Variants in ADGRL3 observed in about 807,000 individuals in gnomAD.
The protein encoded by ADGRL3 is calcium-independent alpha-latrotoxin receptor 3.
ADGRL3 carries 62 observed loss-of-function variants against 153.5 expected under a neutral mutation model. The observed-to-expected ratio is 0.40, with a 90% CI of 0.33 to 0.50. ADGRL3 has a LOEUF of 0.50. Among genes scored for constraint, ADGRL3 ranks in the 20% least tolerant of loss-of-function variants. The pLI, the probability that ADGRL3 is intolerant of heterozygous loss-of-function variation, is 0.47. For synonymous variants in ADGRL3, 710 were observed against 672.5 expected (o/e 1.06, Z -0.86); for missense variants, 1,641 against 1,859.4 (o/e 0.88, Z 2.16).
rs549502976 is a variant in ADGRL3 at position 61,709,426 on chromosome 4, A to T, written c.584-21196A>T. Among the ~76,000 whole-genome samples, 113 of 152,292 alleles carry T rather than the reference A, an allele frequency of 7.4e-4. 1 individual carries two copies. Among genetic ancestry groups the T allele is most frequent in the Admixed American group, 2.2e-3 (33 of 15,284 alleles). On this transcript the variant is annotated intron_variant, in intron 6 of 26. Coordinates refer to ENST00000683033, the MANE Select transcript of ADGRL3 (RefSeq NM_001387552.1). The stretch of plus-strand genomic sequence containing the variant: ...GTTTTATGTTTACCATTGATCCTTC[A>T]GTCATGTTAATCATTTTGCATATAA...
intron 2 of ADGRL3, among the ~76,000 whole-genome samples, chr4:61,476,723 A>AC (rs1349456643): frequency 1.3e-5 from 2 of 148,364 alleles, no homozygotes; most frequent in African/African-American, 4.9e-5. Context: ...AAAAAAAAAA[A>AC]AAAAAAAAAA....
At chr4:61,867,557 G>T (rs2098410364) in intron 9 of ADGRL3, among the ~76,000 whole-genome samples, 2 of 89,932 alleles carry the variant, frequency 2.2e-5, no homozygotes, top group Non-Finnish European at 2.6e-5. Flanking sequence ...GGAGAGAAAA[G>T]ATTTCTTACC....
rs578200391 is a variant in ADGRL3, at chr4:62,064,517, G to A, written c.3815-3649G>A. Among the ~76,000 whole-genome samples, 5 of 152,158 alleles carry A rather than the reference G, an allele frequency of 3.3e-5. No homozygotes were observed. In the East Asian group the frequency reaches 9.7e-4, roughly 29 times the overall value. ...AAAAGTTTTATAAAAGTCCTAGTCA[G>A]TGATCCACTTACTTAAAATTATATT... On this transcript the variant is annotated intron_variant, in intron 25 of 26. Transcript: ENST00000683033.
intron 23 of ADGRL3, among the ~76,000 whole-genome samples, chr4:62,033,135 A>C (rs1447995840): frequency 6.6e-6 from 1 of 151,790 alleles, no homozygotes; most frequent in Non-Finnish European, 1.5e-5. Flanking sequence ...AGGCTGATGA[A>C]GATTCAAACA....
intron 2 of ADGRL3, among the ~76,000 whole-genome samples, chr4:61,466,637 G>C (rs2097887689): frequency 6.6e-6 from 1 of 152,112 alleles, no homozygotes; most frequent in South Asian, 2.1e-4. Flanking sequence ...TTCCTGTTTT[G>C]TTCCTGCTCT....
At position 62,076,636 on chromosome 4, in the gene ADGRL3, T is replaced by C. The variant is rs1001842002; in HGVS notation, c.*5728T>C. On this transcript the variant is annotated 3_prime_UTR_variant, in exon 27 of 27. Coordinates refer to ENST00000683033, the MANE Select transcript of ADGRL3 (RefSeq NM_001387552.1). ...CGAAAAGTAAAATGGGAGTTTCCTA[T>C]ATTCTGATTTCATTCTGCTAATTCC... 6.6e-6 allele frequency: 1 copy of C among 152,182 alleles called. No homozygotes were observed. The highest frequency in any genetic ancestry group is 2.4e-5 in the African/African-American group (1 of 41,576). The allele number at this position is 152,182 out of a possible 1,614,324, so 9.4% of individuals were successfully genotyped here.
intron 6 of ADGRL3, among the ~76,000 whole-genome samples, chr4:61,702,817 A>T (rs977235786): frequency 6.6e-6 from 1 of 152,132 alleles, no homozygotes; most frequent in Admixed American, 6.6e-5. Context: ...ACTTATATCT[A>T]TATCTATAAC....
At chr4:62,068,436 T>G (rs574576464) in intron 26 of ADGRL3, among the ~76,000 whole-genome samples, 1 of 152,330 alleles carries the variant, frequency 6.6e-6, no homozygotes. Flanking sequence ...AAATTGTTTT[T>G]AAATTAAGCA....
intron 25 of ADGRL3, among the ~76,000 whole-genome samples, chr4:62,065,902 G>A (rs1742735748): frequency 6.6e-6 from 1 of 151,714 alleles, no homozygotes; most frequent in Non-Finnish European, 1.5e-5. Context: ...TTTATTCTTG[G>A]GATCTATGAC....
chr4:61,981,694 A>G (rs2150843538), intron 18 of ADGRL3, among the ~76,000 whole-genome samples: 1 of 152,290 alleles, frequency 6.6e-6, no homozygotes, highest in African/African-American at 2.4e-5. Context: ...ACATGTTACA[A>G]GTTTGTTATC....
intron 8 of ADGRL3, among the ~76,000 whole-genome samples, chr4:61,770,117 C>T (rs2097065401): frequency 1.3e-5 from 2 of 152,144 alleles, no homozygotes; most frequent in Admixed American, 6.6e-5. Context: ...TTCAGTAAAA[C>T]GTATTAGTAA....
rs575198605 is a variant in ADGRL3 at position 61,317,250 on chromosome 4, G to A, written c.-239-65874G>A. The stretch of plus-strand genomic sequence containing the variant: ...ATACATTTCTTAGAACTAAATCTGG[G>A]AGTGTATCTGGCAGACCAATATCTT... On this transcript the variant is annotated intron_variant, in intron 1 of 26. Coordinates refer to ENST00000683033, the MANE Select transcript of ADGRL3 (RefSeq NM_001387552.1). Among the ~76,000 whole-genome samples, 14 of 152,272 alleles carry A rather than the reference G, an allele frequency of 9.2e-5. No homozygotes were observed. The South Asian group carries it at 1.7e-3, about 18-fold the overall frequency.
chr4:61,822,407 T>C (rs192500231), intron 9 of ADGRL3, among the ~76,000 whole-genome samples: 8 of 152,280 alleles, frequency 5.3e-5, no homozygotes, highest in Admixed American at 2.0e-4. Context: ...ATCCTATTAC[T>C]TTTTTATTCA....
chr4:61,775,573 C>T, intron 8 of ADGRL3: 1 of 907,288 alleles, frequency 1.1e-6, no homozygotes. Flanking sequence ...GTCAGTTTTA[C>T]AGAGGCCTAC....
chr4:62,047,644 T>C (rs1221851270), intron 25 of ADGRL3, among the ~76,000 whole-genome samples: 1 of 152,160 alleles, frequency 6.6e-6, no homozygotes, highest in Non-Finnish European at 1.5e-5. Context: ...GTATATTAAT[T>C]CCTTTATATT....
At chr4:61,556,867 A>G (rs1245060815) in intron 4 of ADGRL3, among the ~76,000 whole-genome samples, 2 of 152,186 alleles carry the variant, frequency 1.3e-5, no homozygotes, top group Non-Finnish European at 2.9e-5. Flanking sequence ...GTGTTAACAC[A>G]GGCCCTTCTT....
chr4:61,478,055 C>T (rs1253674338), intron 2 of ADGRL3, among the ~76,000 whole-genome samples: 2 of 151,986 alleles, frequency 1.3e-5, no homozygotes, highest in East Asian at 3.9e-4. Flanking sequence ...TTAAAAGTCA[C>T]GTTTCATTTT....
intron 25 of ADGRL3, among the ~76,000 whole-genome samples, chr4:62,044,857 T>C (rs1365303651): frequency 6.6e-6 from 1 of 152,092 alleles, no homozygotes; most frequent in African/African-American, 2.4e-5. Context: ...TGGGCAATTA[T>C]GTGGCTGTAT....
intron 25 of ADGRL3, among the ~76,000 whole-genome samples, chr4:62,054,335 A>G (rs1735857744): frequency 6.6e-6 from 1 of 151,694 alleles, no homozygotes; most frequent in South Asian, 2.1e-4. Flanking sequence ...CACTTCTGCA[A>G]ACCAACCACT....
Sources: gnomAD v4.1 joint callset for allele counts (sites outside exome capture counted in the v4.1 genomes callset) on GRCh38, gnomAD v4.1.1 for gene constraint, MANE v1.5 for transcripts, NCBI Gene and HGNC (gene_info 2026-07-23, HGNC 2026-07-21) for gene names.